The following MYO1H variants were observed in gnomAD, a reference collection of about 807,000 sequenced individuals.
MYO1H encodes myosin IH.
In MYO1H, 118 loss-of-function variants were observed where a neutral mutation model predicts 149.3. The ratio of observed to expected loss-of-function variants is 0.79; its 90% CI spans 0.68 to 0.92. The LOEUF is 0.92. MYO1H is among the 40% of genes least tolerant of loss of function. MYO1H has a pLI of 0.00. For synonymous variants in MYO1H, 447 were observed against 465.2 expected (o/e 0.96, Z 0.50); for missense variants, 1,212 against 1,280.7 (o/e 0.95, Z 0.82).
intron 1 of MYO1H, among the ~76,000 whole-genome samples, chr12:109,369,980 G>C (rs1310363366): frequency 6.6e-6 from 1 of 152,188 alleles, no homozygotes; most frequent in East Asian, 1.9e-4. Context: ...CTTGTACAGG[G>C]AAACTCCCTT....
At chr12:109,408,310 T>C (rs1870489296) in intron 10 of MYO1H, among the ~76,000 whole-genome samples, 1 of 151,862 alleles carries the variant, frequency 6.6e-6, no homozygotes, top group South Asian at 2.1e-4. Flanking sequence ...TAGCTGGAAC[T>C]ACAGTTGCAT....
At chr12:109,391,235 G>A (rs921938794) in intron 2 of MYO1H, among the ~76,000 whole-genome samples, 26 of 151,508 alleles carry the variant, frequency 1.7e-4, no homozygotes, top group African/African-American at 5.8e-4. Flanking sequence ...TCTGTCCCCC[G>A]CAACAAGCCC....
At chr12:109,388,781 G>T (rs548292658) in exon 2 of MYO1H, 1 of 1,612,982 alleles carries the variant, frequency 6.2e-7, no homozygotes, top group Non-Finnish European at 8.5e-7. Flanking sequence ...TATTGGACGC[G>T]TACACCAGCG....
At chr12:109,396,663 CA>C in intron 4 of MYO1H, 81 bp downstream of exon 4, 1 of 1,240,330 alleles carries the variant, frequency 8.1e-7, no homozygotes, top group Non-Finnish European at 1.1e-6. Context: ...GCAGGTCAGT[CA>C]AAATGGGCAG....
chr12:109,427,486 C>T, exon 19 of MYO1H: 7 of 1,611,818 alleles, frequency 4.3e-6, no homozygotes, highest in Non-Finnish European at 5.9e-6. Context: ...TGATGACTTC[C>T]TCATAAGGCA....
At position 109,391,119 on chromosome 12, in the gene MYO1H, T is replaced by C. The variant is rs994543519; in HGVS notation, c.175-2212T>C. Among the ~76,000 whole-genome samples, 3 of 152,258 alleles carry C rather than the reference T, an allele frequency of 2.0e-5. 1 individual carries two copies. The highest frequency in any genetic ancestry group is 7.2e-5 in the African/African-American group (3 of 41,472). ...ACTTCAGGGGTACATGTGCAGGATG[T>C]GCAGGTTTGTTACATAGGTAAACGT... On this transcript the variant is annotated intron_variant, in intron 2 of 31. Coordinates refer to ENST00000310903, the Ensembl canonical transcript of MYO1H.
At chr12:109,432,577 A>G (rs1871678687) in intron 19 of MYO1H, among the ~76,000 whole-genome samples, 1 of 152,232 alleles carries the variant, frequency 6.6e-6, no homozygotes, top group Admixed American at 6.5e-5. Flanking sequence ...ACATTCAGGT[A>G]TGAATGTTCG....
intron 19 of MYO1H, among the ~76,000 whole-genome samples, chr12:109,431,959 A>G (rs1222202887): frequency 6.9e-6 from 1 of 145,876 alleles, no homozygotes; most frequent in East Asian, 2.1e-4. Context: ...CTGGGACTAC[A>G]GCCGCACACT....
chr12:109,362,750 G>A (rs1868781735), intron 1 of MYO1H, among the ~76,000 whole-genome samples: 1 of 152,162 alleles, frequency 6.6e-6, no homozygotes, highest in African/African-American at 2.4e-5. Context: ...ATACATAGAA[G>A]ACCCTCTGGA....
chr12:109,394,034 CT>C (rs1160741643), intron 3 of MYO1H, among the ~76,000 whole-genome samples: 1 of 152,186 alleles, frequency 6.6e-6, no homozygotes, highest in African/African-American at 2.4e-5. Flanking sequence ...TTCCTCTCCC[CT>C]ATGTATAACC....
intron 2 of MYO1H, among the ~76,000 whole-genome samples, chr12:109,389,408 G>A (rs1869537209): frequency 6.6e-6 from 1 of 152,124 alleles, no homozygotes; most frequent in Non-Finnish European, 1.5e-5. Context: ...GCCTGCCCCT[G>A]AAGGTGAGGG....
chr12:109,389,850 A>G lies in MYO1H; in HGVS notation c.174+1006A>G, dbSNP rs569977782. On this transcript the variant is annotated intron_variant, in intron 2 of 31. Coordinates refer to ENST00000310903, the Ensembl canonical transcript of MYO1H. ...TATTTTGTTTGTAATGCTGCTCGTG[A>G]CTTAATCTATATGTTGAAACCAAGG... Among the ~76,000 whole-genome samples, 111 of 152,300 alleles carry G rather than the reference A, an allele frequency of 7.3e-4. 1 individual carries two copies. The highest frequency in any genetic ancestry group is 2.6e-3 in the African/African-American group (110 of 41,560).
chr12:109,396,547 C>T (rs1389849013), exon 4 of MYO1H: 10 of 1,613,392 alleles, frequency 6.2e-6, no homozygotes, highest in Middle Eastern at 1.6e-4. Context: ...ACAAATAGCC[C>T]GTGACAGACT....
intron 1 of MYO1H, among the ~76,000 whole-genome samples, chr12:109,360,326 G>A (rs1177904637): frequency 6.6e-6 from 1 of 152,004 alleles, no homozygotes; most frequent in Non-Finnish European, 1.5e-5. Flanking sequence ...AAAATTAATG[G>A]GAGTTTCTGG....
intron 2 of MYO1H, among the ~76,000 whole-genome samples, chr12:109,389,873 A>T (rs1869567622): frequency 2.0e-5 from 3 of 152,204 alleles, no homozygotes; most frequent in Admixed American, 2.0e-4. Flanking sequence ...GTTGAAACCA[A>T]GGATACCAGA....
At chr12:109,313,268 C>A in the MYO1H span, among the ~76,000 whole-genome samples, 4 of 151,992 alleles carry the variant, frequency 2.6e-5, no homozygotes, top group Admixed American at 2.6e-4. Flanking sequence ...CCAAAAAAAA[C>A]CCCACAAGTT....
rs887352311 is a variant in MYO1H, at chr12:109,401,556, C to G, written c.750+284C>G. 5 of 294,032 alleles carry G rather than the reference C, an allele frequency of 1.7e-5. No homozygotes were observed. The Admixed American group carries it at 2.3e-4, about 14-fold the overall frequency. 18.2% of individuals were successfully genotyped at this position (294,032 alleles called of 1,614,324 possible). ...CCTTTAAAAACACAAATGCCTGGGC[C>G]ATACCCTCCAGAGATTCAGATTTCA... On this transcript the variant is annotated intron_variant, in intron 6 of 31. Coordinates refer to ENST00000310903, the Ensembl canonical transcript of MYO1H.
chr12:109,396,698 C>T, intron 4 of MYO1H, 116 bp downstream of exon 4: 1 of 821,256 alleles, frequency 1.2e-6, no homozygotes, highest in Non-Finnish European at 1.8e-6. Context: ...AAAGAGGTCA[C>T]ACAGATAGTG....
At chr12:109,427,901 A>T (rs1430980164) in intron 19 of MYO1H, among the ~76,000 whole-genome samples, 915 of 46,548 alleles carry the variant, frequency 0.02, 61 homozygotes, top group African/African-American at 0.069. Context: ...AAAAAAAAAA[A>T]AAAAAAAAAT....
Sources: allele counts gnomAD v4.1 joint callset (sites outside exome capture counted in the v4.1 genomes callset), GRCh38; gene constraint gnomAD v4.1.1; transcripts MANE v1.5; gene names NCBI Gene and HGNC (gene_info 2026-07-23, HGNC 2026-07-21).